The following CMSS1 variants were observed in gnomAD, a reference collection of about 807,000 sequenced individuals.
CMSS1 encodes cms1 ribosomal small subunit homolog, also known as protein CMSS1.
CMSS1 carries 33 observed loss-of-function variants against 43.5 expected under a neutral mutation model. The ratio of observed to expected loss-of-function variants is 0.76; its 90% confidence interval spans 0.57 to 1.01. CMSS1 has a LOEUF of 1.01. Ranked by LOEUF, CMSS1 falls within the 50% of genes least tolerant of loss-of-function variation. CMSS1 has a pLI of 0.00. For missense variants in CMSS1, 313 were observed against 326.4 expected, an observed-to-expected ratio of 0.96 and a Z score of 0.32; for synonymous variants, 115 against 117.2, an observed-to-expected ratio of 0.98 and a Z score of 0.12.
At chr3:100,055,152 C>T (rs1238421765) in intron 1 of CMSS1, among the ~76,000 whole-genome samples, 1 of 152,198 alleles carries the variant, frequency 6.6e-6, no homozygotes, top group Non-Finnish European at 1.5e-5. Flanking sequence ...CAGCTCCTAT[C>T]CCAATTCAGG....
Position 99,983,474 on chromosome 3 carries a change from A to ATG in CMSS1, c.65-163498_65-163497insGT, listed in dbSNP as rs1709223763. Among the ~76,000 whole-genome samples, 5 of 16,700 alleles carry ATG rather than the reference A, an allele frequency of 3.0e-4. No homozygotes were observed. The Admixed American group carries it at 3.3e-3, about 11-fold the overall frequency. 11.0% of individuals were successfully genotyped at this position (16,700 alleles called of 152,430 possible). ...TATATATATATGTGTGTATATATAT[A>ATG]TATATATATATATATATATATATAT... On this transcript the variant is annotated intron_variant, in intron 1 of 9. Coordinates refer to ENST00000421999, the MANE Select transcript of CMSS1 (RefSeq NM_032359.4).
chr3:99,860,459 A>ATCT (rs1232088362), intron 1 of CMSS1, among the ~76,000 whole-genome samples: 1 of 152,174 alleles, frequency 6.6e-6, no homozygotes, highest in African/African-American at 2.4e-5. Context: ...ATTGAGGCAA[A>ATCT]TCTCACTCTT....
At chr3:100,084,119 A>T (rs550981597) in intron 1 of CMSS1, among the ~76,000 whole-genome samples, 3 of 152,326 alleles carry the variant, frequency 2.0e-5, no homozygotes, top group African/African-American at 7.2e-5. Context: ...GCCTCGGGCC[A>T]TGAGACCCAT....
At chr3:100,018,094 C>T (rs570977123) in intron 1 of CMSS1, among the ~76,000 whole-genome samples, 35 of 152,172 alleles carry the variant, frequency 2.3e-4, no homozygotes, top group African/African-American at 8.4e-4. Flanking sequence ...TTTGGGAGGC[C>T]GAGGCGGGCA....
intron 1 of CMSS1, among the ~76,000 whole-genome samples, chr3:99,857,025 T>C (rs139142687): frequency 1.3e-5 from 2 of 152,340 alleles, no homozygotes; most frequent in East Asian, 3.9e-4. Context: ...TGAGTATCAC[T>C]GTCTGATTCA....
At chr3:99,841,719 C>A (rs1035507022) in intron 1 of CMSS1, among the ~76,000 whole-genome samples, 1 of 152,096 alleles carries the variant, frequency 6.6e-6, no homozygotes, top group Non-Finnish European at 1.5e-5. Flanking sequence ...ATGGCAAACA[C>A]ACATATAAAA....
intron 1 of CMSS1, among the ~76,000 whole-genome samples, chr3:99,856,098 G>GCTGCTCTGCTCTGCTCTGCT (rs71130096): frequency 3.3e-5 from 5 of 151,352 alleles, no homozygotes; most frequent in Non-Finnish European, 5.9e-5. Flanking sequence ...TGCTGCTCTT[G>GCTGCTCTGCTCTGCTCTGCT]CTGCTCTGCT....
intron 1 of CMSS1, among the ~76,000 whole-genome samples, chr3:100,108,091 C>T (rs1242856643): frequency 6.6e-6 from 1 of 152,054 alleles, no homozygotes; most frequent in Admixed American, 6.6e-5. Context: ...TGGTTCTTAA[C>T]TTAGGGTCCC....
At chr3:100,143,815 T>G (rs1338532670) in intron 1 of CMSS1, among the ~76,000 whole-genome samples, 12 of 152,134 alleles carry the variant, frequency 7.9e-5, no homozygotes, top group Admixed American at 6.5e-4. Flanking sequence ...ATATAATGTC[T>G]CTCTCATTCT....
Position 100,072,975 on chromosome 3 carries a change from G to C in CMSS1, c.65-73998G>C, listed in dbSNP as rs931711751. On this transcript the variant is annotated intron_variant, in intron 1 of 9. Coordinates refer to ENST00000421999, the MANE Select transcript of CMSS1 (RefSeq NM_032359.4). ...AATGATGATAGCATATGTTTGAAGA[G>C]CACTTTTTAAAGTTTTTTTTTACAT... 3.3e-5 allele frequency among the ~76,000 whole-genome samples: 5 copies of C among 152,268 alleles called. No individual in the cohort carries two copies. The East Asian group carries it at 7.7e-4, about 23-fold the overall frequency.
intron 1 of CMSS1, chr3:99,848,207 G>A (rs1411184053): frequency 6.4e-7 from 1 of 1,568,946 alleles, no homozygotes; most frequent in African/African-American, 1.3e-5. Flanking sequence ...GGATATGGAG[G>A]GATGATTAAA....
At chr3:99,870,753 G>A (rs868840239) in intron 1 of CMSS1, among the ~76,000 whole-genome samples, 25 of 152,152 alleles carry the variant, frequency 1.6e-4, no homozygotes, top group African/African-American at 5.8e-4. Context: ...TGTAAAATCT[G>A]GGAGATACAC....
At chr3:100,141,770 T>C (rs1053819098) in intron 1 of CMSS1, 4 of 340,144 alleles carry the variant, frequency 1.2e-5, no homozygotes, top group African/African-American at 8.7e-5. Flanking sequence ...CAGTGTCTTT[T>C]TTTTTAAGTA....
At chr3:100,117,854 CAT>C (rs58609128) in intron 1 of CMSS1, among the ~76,000 whole-genome samples, 18,121 of 90,676 alleles carry the variant, frequency 0.2, 1,900 homozygotes, top group South Asian at 0.25. Context: ...TATATATATA[CAT>C]ATATATATAT....
chr3:100,178,212 G>C, intron 9 of CMSS1, 93 bp from the exon 10 acceptor site: 1 of 694,966 alleles, frequency 1.4e-6, no homozygotes. Context: ...TAACAGCTGG[G>C]TAAATATCAG....
At chr3:100,176,252 G>A in intron 8 of CMSS1, 75 bp from the exon 9 acceptor site, 1 of 1,039,920 alleles carries the variant, frequency 9.6e-7, no homozygotes, top group Non-Finnish European at 1.5e-6. Flanking sequence ...AAGTAACCCG[G>A]AGAATAAAAA....
chr3:99,929,351 A>G (rs1707397855), intron 1 of CMSS1, among the ~76,000 whole-genome samples: 1 of 152,240 alleles, frequency 6.6e-6, no homozygotes, highest in Non-Finnish European at 1.5e-5. Flanking sequence ...CTCATCTAAA[A>G]TATATGTTTT....
chr3:99,875,910 A>C (rs1705488629), intron 1 of CMSS1, among the ~76,000 whole-genome samples: 1 of 152,212 alleles, frequency 6.6e-6, no homozygotes, highest in African/African-American at 2.4e-5. Context: ...GTTTTGTGTG[A>C]GTTGGAAACG....
intron 1 of CMSS1, among the ~76,000 whole-genome samples, chr3:100,082,398 G>A (rs890011078): frequency 2.0e-5 from 3 of 152,186 alleles, no homozygotes; most frequent in African/African-American, 7.2e-5. Flanking sequence ...AAAATTTTTT[G>A]TCATCACAGA....
Sources: allele counts gnomAD v4.1 joint callset (sites outside exome capture counted in the v4.1 genomes callset), GRCh38; gene constraint gnomAD v4.1.1; transcripts MANE v1.5; gene names NCBI Gene and HGNC (gene_info 2026-07-23, HGNC 2026-07-21).